The following TNNI3K variants were observed in gnomAD, a reference collection of about 807,000 sequenced individuals.
TNNI3K encodes the protein TNNI3 interacting kinase, also known as serine/threonine-protein kinase TNNI3K.
Under a neutral mutation model 114.5 loss-of-function variants are expected in TNNI3K, and 140 were observed. The observed-to-expected ratio is 1.22, with a 90% CI of 1.07 to 1.41. The LOEUF (loss-of-function observed/expected upper bound fraction) is 1.41. Ranked by LOEUF, TNNI3K falls within the 40% of genes most tolerant of loss-of-function variation. The pLI is 0.00. For missense variants in TNNI3K, 1,125 were observed against 1,007.6 expected (o/e 1.12, Z -1.58); for synonymous variants, 347 against 347.5 (o/e 1.00, Z 0.02).
intron 23 of TNNI3K, among the ~76,000 whole-genome samples, chr1:74,533,703 AC>A (rs1162163113): frequency 6.6e-6 from 1 of 151,890 alleles, no homozygotes; most frequent in African/African-American, 2.4e-5. Context: ...AAAATGTGGC[AC>A]ATATACACCA....
At chr1:74,235,549 T>C (rs1653796066) in intron 1 of TNNI3K, 58 bp downstream of exon 1, 2 of 927,136 alleles carry the variant, frequency 2.2e-6, no homozygotes, top group Non-Finnish European at 3.3e-6. Flanking sequence ...TTATAGTTAC[T>C]GATAACTAAC....
intron 17 of TNNI3K, among the ~76,000 whole-genome samples, chr1:74,427,630 A>G (rs530186691): frequency 2.8e-4 from 43 of 152,246 alleles, no homozygotes; most frequent in Admixed American, 7.2e-4. Flanking sequence ...AAAACAAATT[A>G]TATATAATGA....
rs1436274736 is a variant in TNNI3K at position 74,254,171 on chromosome 1, T to TTA, written c.333+3402_333+3403insTA. ...TTGTCCCATTTCCATTATTTTTTTT[T>TTA]AGAACCATTTGACAGTAAATTGTAT... On this transcript the variant is annotated intron_variant, in intron 4 of 24. Transcript: ENST00000326637. Among the ~76,000 whole-genome samples, 61 of 152,126 alleles carry TTA rather than the reference T, an allele frequency of 4.0e-4. No individual in the cohort carries two copies. The South Asian group carries it at 5.6e-3, about 14-fold the overall frequency.
intron 20 of TNNI3K, among the ~76,000 whole-genome samples, chr1:74,455,714 G>T (rs938924559): frequency 6.6e-6 from 1 of 152,116 alleles, no homozygotes; most frequent in Non-Finnish European, 1.5e-5. Flanking sequence ...GATATCTGAG[G>T]TCAGGAGAAG....
chr1:74,319,126 G>A (rs774906696), intron 5 of TNNI3K, among the ~76,000 whole-genome samples: 7 of 152,132 alleles, frequency 4.6e-5, no homozygotes, highest in Non-Finnish European at 7.4e-5. Flanking sequence ...TAAAAGTGTC[G>A]GGTGAGGCTG....
rs1356756753 is a variant in TNNI3K at position 74,439,678 on chromosome 1, T to TAAC, written c.2011+57_2011+59dup. 8 of 1,591,158 alleles carry TAAC rather than the reference T, an allele frequency of 5.0e-6. No individual in the cohort carries two copies. The South Asian group carries it at 7.9e-5, about 16-fold the overall frequency. On this transcript the variant is annotated intron_variant, in intron 20 of 24. Transcript: ENST00000326637. ...TTTTACAGAGTTCACTGGATTTTTA[T>TAAC]AACTTCAAGAAAATTTTTTTTCACA...
intron 5 of TNNI3K, among the ~76,000 whole-genome samples, chr1:74,307,969 A>G (rs1045411033): frequency 1.3e-5 from 2 of 152,016 alleles, no homozygotes; most frequent in African/African-American, 2.4e-5. Flanking sequence ...GTAAAAATAT[A>G]TATATAATAG....
At chr1:74,367,804 T>C in intron 12 of TNNI3K, 104 bp from the exon 13 acceptor site, 9 of 1,074,396 alleles carry the variant, frequency 8.4e-6, no homozygotes, top group Non-Finnish European at 1.2e-5. Context: ...CCTGAAGCGA[T>C]AGTTTTACTT....
chr1:74,332,927 A>G (rs1033507000), intron 6 of TNNI3K, among the ~76,000 whole-genome samples: 1 of 144,988 alleles, frequency 6.9e-6, no homozygotes, highest in Non-Finnish European at 1.5e-5. Flanking sequence ...GCCCTTTGAC[A>G]GTGAGAATAC....
chr1:74,393,684 C>T (rs2100574543), intron 17 of TNNI3K, among the ~76,000 whole-genome samples: 1 of 151,966 alleles, frequency 6.6e-6, no homozygotes, highest in African/African-American at 2.4e-5. Flanking sequence ...CACCAGGGAG[C>T]AGTTTTGTGG....
At chr1:74,358,902 T>C (rs115895196) in intron 11 of TNNI3K, among the ~76,000 whole-genome samples, 1 of 152,138 alleles carries the variant, frequency 6.6e-6, no homozygotes, top group African/African-American at 2.4e-5. Flanking sequence ...AAAGAGAACT[T>C]ACATTCATTG....
intron 23 of TNNI3K, among the ~76,000 whole-genome samples, chr1:74,537,277 G>A (rs1175925689): frequency 6.6e-6 from 1 of 152,114 alleles, no homozygotes; most frequent in Non-Finnish European, 1.5e-5. Context: ...AAAGAAGTTA[G>A]GTATATTAAT....
chr1:74,434,045 T>G (rs1439658448), intron 17 of TNNI3K, among the ~76,000 whole-genome samples: 1 of 152,182 alleles, frequency 6.6e-6, no homozygotes, highest in Middle Eastern at 3.4e-3. Flanking sequence ...CTTTCTTTTT[T>G]CTACTCTACC....
chr1:74,518,873 C>CTT (rs1646388103), intron 23 of TNNI3K, among the ~76,000 whole-genome samples: 43 of 100,328 alleles, frequency 4.3e-4, no homozygotes, highest in East Asian at 5.8e-4. Context: ...TTTTTTTTCC[C>CTT]CTTTTTTTTT....
chr1:74,369,578 C>A lies in TNNI3K; in HGVS notation c.1660C>A (p.Gln554Lys). Residue 554 changes from glutamine (Q) to lysine (K), a missense_variant, in exon 16 of 25, where the codon CAG becomes AAG. Transcript: ENST00000326637. ...TTCTCTGTTCTCCCTCCTTCATGAGCAGAAGAGGTATGGGTCTTTTGTTCT... is the reference window on the plus strand; with the variant it reads ...TTCTCTGTTCTCCCTCCTTCATGAGAAGAAGAGGTATGGGTCTTTTGTTCT... ...GGSLFSLLHE[Q>K]KRILDLQSKL... 6.2e-7 allele frequency: 1 copy of A among 1,606,104 alleles called. No individual in the cohort carries two copies. Among genetic ancestry groups the A allele is most frequent in the Non-Finnish European group, 8.5e-7 (1 of 1,176,370 alleles).
intron 20 of TNNI3K, among the ~76,000 whole-genome samples, chr1:74,452,790 T>G (rs1050327759): frequency 6.6e-6 from 1 of 152,156 alleles, no homozygotes; most frequent in African/African-American, 2.4e-5. Flanking sequence ...CTCCCCGGCC[T>G]CCATCTCACC....
At chr1:74,447,156 A>C (rs1414874780) in intron 20 of TNNI3K, among the ~76,000 whole-genome samples, 2 of 151,294 alleles carry the variant, frequency 1.3e-5, no homozygotes, top group Non-Finnish European at 2.9e-5. Context: ...CACGATATTG[A>C]TTCTTCCTAC....
At chr1:74,260,616 AAATT>A (rs1377368540) in intron 4 of TNNI3K, among the ~76,000 whole-genome samples, 1 of 152,174 alleles carries the variant, frequency 6.6e-6, no homozygotes, top group African/African-American at 2.4e-5. Context: ...TACTTAATAA[AAATT>A]AACCATTATT....
At chr1:74,239,823 A>G (rs41289184) in intron 2 of TNNI3K, 3 of 406,424 alleles carry the variant, frequency 7.4e-6, no homozygotes, top group Non-Finnish European at 1.5e-5. Context: ...CTAAATAGTT[A>G]TCCTGCTTAT....
Sources: allele counts gnomAD v4.1 joint callset (sites outside exome capture counted in the v4.1 genomes callset), GRCh38; gene constraint gnomAD v4.1.1; transcripts MANE v1.5; gene names NCBI Gene and HGNC (gene_info 2026-07-23, HGNC 2026-07-21).